The following SCD5 variants were observed in gnomAD, a reference collection of about 807,000 sequenced individuals.
SCD5 encodes the protein acyl-CoA-desaturase 4.
In SCD5, 20 loss-of-function variants were observed where a neutral mutation model predicts 30.4. The ratio of observed to expected loss-of-function variants is 0.66; its 90% CI spans 0.46 to 0.96. SCD5 has a LOEUF of 0.96. SCD5 is among the 40% of genes least tolerant of loss of function. The pLI is 0.00. For synonymous variants in SCD5, 173 were observed against 176.4 expected, an observed-to-expected ratio of 0.98 and a Z score of 0.16; for missense variants, 381 against 443.3, an observed-to-expected ratio of 0.86 and a Z score of 1.26.
chr4:82,741,822 G>A (rs1216142265), intron 1 of SCD5, among the ~76,000 whole-genome samples: 7 of 131,232 alleles, frequency 5.3e-5, no homozygotes, highest in African/African-American at 1.7e-4. Context: ...GCCTCCTCCA[G>A]ATCAAGGATA....
At chr4:82,755,655 A>G (rs1336468818) in intron 1 of SCD5, among the ~76,000 whole-genome samples, 1 of 152,190 alleles carries the variant, frequency 6.6e-6, no homozygotes, top group Admixed American at 6.5e-5. Flanking sequence ...CTCAAAAAGG[A>G]TGGCTTAACA....
At chr4:82,641,879 C>G (rs1003609603) in intron 3 of SCD5, among the ~76,000 whole-genome samples, 1 of 151,866 alleles carries the variant, frequency 6.6e-6, no homozygotes. Context: ...AAGGATGACA[C>G]CAAGGATTAA....
At chr4:82,716,651 T>C (rs1398971278) in intron 1 of SCD5, among the ~76,000 whole-genome samples, 1 of 151,562 alleles carries the variant, frequency 6.6e-6, no homozygotes, top group Non-Finnish European at 1.5e-5. Context: ...CTGTCTCTAC[T>C]AAAATTATGA....
At chr4:82,670,710 T>C (rs1000891300) in intron 3 of SCD5, among the ~76,000 whole-genome samples, 5 of 151,854 alleles carry the variant, frequency 3.3e-5, no homozygotes, top group African/African-American at 9.7e-5. Context: ...CAAATATCAA[T>C]TCCATATCAA....
intron 2 of SCD5, 111 bp from the exon 3 acceptor site, chr4:82,681,023 T>G: frequency 1.2e-6 from 1 of 857,370 alleles, no homozygotes; most frequent in African/African-American, 1.7e-5. Context: ...TGGTTTCACT[T>G]TCCTCCTGTC....
intron 1 of SCD5, among the ~76,000 whole-genome samples, chr4:82,771,227 C>T (rs1721614141): frequency 6.6e-6 from 1 of 152,148 alleles, no homozygotes; most frequent in Non-Finnish European, 1.5e-5. Context: ...CCTCAGCCTC[C>T]TAAAGTGTTG....
chr4:82,751,624 T>G (rs774120890), intron 1 of SCD5, among the ~76,000 whole-genome samples: 3 of 146,696 alleles, frequency 2.0e-5, no homozygotes, highest in Non-Finnish European at 4.4e-5. Context: ...TTACTTTTAT[T>G]TAGTTAGTTA....
At chr4:82,797,001 CT>C (rs928883352) in intron 1 of SCD5, among the ~76,000 whole-genome samples, 18 of 152,176 alleles carry the variant, frequency 1.2e-4, no homozygotes, top group Non-Finnish European at 2.4e-4. Context: ...GATCCTACCT[CT>C]CTCACCATCC....
chr4:82,764,113 G>C (rs1300126942), intron 1 of SCD5, among the ~76,000 whole-genome samples: 1 of 152,138 alleles, frequency 6.6e-6, no homozygotes, highest in African/African-American at 2.4e-5. Flanking sequence ...CCTTTTAACT[G>C]GGGTATTAGA....
intron 1 of SCD5, among the ~76,000 whole-genome samples, chr4:82,750,874 A>T (rs1721087649): frequency 6.6e-6 from 1 of 152,196 alleles, no homozygotes; most frequent in South Asian, 2.1e-4. Context: ...AATGCCAAAG[A>T]ACTTACCTTT....
intron 1 of SCD5, chr4:82,776,126 A>T (rs563808014): frequency 1.1e-4 from 17 of 157,784 alleles, no homozygotes; most frequent in Middle Eastern, 3.2e-3. Context: ...TAAGGACTGA[A>T]GAAAAACTAT....
chr4:82,754,959 G>A (rs892026025), intron 1 of SCD5, among the ~76,000 whole-genome samples: 2 of 152,116 alleles, frequency 1.3e-5, no homozygotes, highest in African/African-American at 4.8e-5. Flanking sequence ...AGCCCACCAT[G>A]GACAGAGACA....
intron 3 of SCD5, among the ~76,000 whole-genome samples, chr4:82,644,765 C>T (rs568126595): frequency 8.5e-5 from 13 of 152,296 alleles, no homozygotes; most frequent in South Asian, 2.1e-4. Context: ...CATTCTTGCT[C>T]GTCAGGACCC....
At chr4:82,651,828 G>C (rs4693475) in intron 3 of SCD5, among the ~76,000 whole-genome samples, 115,485 of 152,130 alleles carry the variant, frequency 0.76, 44,718 homozygotes, top group East Asian at 0.99. Context: ...CAGGAGAATC[G>C]CTTGAACCTA....
At chr4:82,765,031 T>A (rs1024738994) in intron 1 of SCD5, among the ~76,000 whole-genome samples, 4 of 152,210 alleles carry the variant, frequency 2.6e-5, no homozygotes, top group African/African-American at 9.7e-5. Context: ...CCGGCTAAGA[T>A]ATTTTTAAAA....
At chr4:82,743,319 G>A (rs1337257793) in intron 1 of SCD5, among the ~76,000 whole-genome samples, 1 of 151,946 alleles carries the variant, frequency 6.6e-6, no homozygotes, top group Non-Finnish European at 1.5e-5. Context: ...AGACCAGCCT[G>A]GGCAACACAG....
chr4:82,772,886 G>A (rs901124415), intron 1 of SCD5, among the ~76,000 whole-genome samples: 2 of 152,146 alleles, frequency 1.3e-5, no homozygotes, highest in African/African-American at 4.8e-5. Context: ...TCTAGTAGGT[G>A]CTCAGTAATT....
At chr4:82,794,897 C>T (rs929670088) in intron 1 of SCD5, among the ~76,000 whole-genome samples, 11 of 152,016 alleles carry the variant, frequency 7.2e-5, no homozygotes, top group African/African-American at 1.9e-4. Context: ...GTGATCAGCC[C>T]GCCTCGGCCT....
At chr4:82,653,529 T>C (rs1727798297) in intron 3 of SCD5, among the ~76,000 whole-genome samples, 1 of 152,072 alleles carries the variant, frequency 6.6e-6, no homozygotes, top group Non-Finnish European at 1.5e-5. Flanking sequence ...CCCTAAAATG[T>C]TGGTTATTAC....
Sources: allele counts gnomAD v4.1 joint callset (sites outside exome capture counted in the v4.1 genomes callset), GRCh38; gene constraint gnomAD v4.1.1; transcripts MANE v1.5; gene names NCBI Gene and HGNC (gene_info 2026-07-23, HGNC 2026-07-21).